Variants in ALMS1 observed in about 807,000 individuals in gnomAD.
The protein encoded by ALMS1 is ALMS1 centrosome and basal body associated protein, also known as centrosome-associated protein ALMS1.
A neutral mutation model predicts 352.2 loss-of-function variants in ALMS1; 271 were observed. That is an observed-to-expected ratio of 0.77 (90% CI 0.70 to 0.85). ALMS1 has a LOEUF of 0.85. Among genes scored for constraint, ALMS1 ranks in the 40% least tolerant of loss-of-function variants. The pLI is 0.00. For synonymous variants in ALMS1, 1,865 were observed against 1,761.2 expected (o/e 1.06, Z -1.48); for missense variants, 5,445 against 4,870.7 (o/e 1.12, Z -3.51).
chr2:73,425,843 T>C (rs963608179), intron 5 of ALMS1, among the ~76,000 whole-genome samples: 11 of 152,360 alleles, frequency 7.2e-5, no homozygotes, highest in Middle Eastern at 3.4e-3. Context: ...GATAGCTTCC[T>C]ATACTGGCAT....
chr2:73,594,967 C>T (rs902151091), intron 16 of ALMS1, among the ~76,000 whole-genome samples: 21 of 152,236 alleles, frequency 1.4e-4, no homozygotes, highest in Non-Finnish European at 2.6e-4. Flanking sequence ...ACCAACACAA[C>T]TTACCACCTT....
rs553661392 is a variant in ALMS1, at chr2:73,386,171, C to T, written c.303C>T (p.Gly101=). Residue 101 remains glycine (G), a synonymous_variant, in exon 1 of 23, where the codon GGC becomes GGT. Coordinates refer to ENST00000613296, the MANE Select transcript of ALMS1 (RefSeq NM_001378454.1). ...CCCCGCAGCACCGCTACTCGGAGGG[C>T]GAGCGGACCTCCCTGGAGAAGGTGA... The part of the protein sequence containing the change: ...LSPPQHRYSE[G]ERTSLEKIVP... 24 of 1,548,302 alleles carry T rather than the reference C, an allele frequency of 1.6e-5. No individual in the cohort carries two copies. Among genetic ancestry groups the T allele is most frequent in the Middle Eastern group, 1.7e-4 (1 of 5,952 alleles).
At chr2:73,554,072 G>A (rs927730590) in intron 13 of ALMS1, among the ~76,000 whole-genome samples, 1 of 152,034 alleles carries the variant, frequency 6.6e-6, no homozygotes, top group Non-Finnish European at 1.5e-5. Flanking sequence ...TGTAAGCCTC[G>A]TGAAACTATT....
At chr2:73,489,524 C>A in intron 9 of ALMS1, 110 bp from the exon 10 acceptor site, 2 of 1,247,496 alleles carry the variant, frequency 1.6e-6, no homozygotes, top group Non-Finnish European at 2.3e-6. Flanking sequence ...AATGACATGA[C>A]CTTCATGGTC....
intron 10 of ALMS1, among the ~76,000 whole-genome samples, chr2:73,503,873 C>G (rs1182034868): frequency 1.3e-5 from 2 of 152,080 alleles, no homozygotes; most frequent in African/African-American, 4.8e-5. Flanking sequence ...TCTTAGGCAC[C>G]TTAATACCCC....
Position 73,572,595 on chromosome 2 carries a change from A to G in ALMS1, c.10718A>G (p.His3573Arg), listed in dbSNP as rs1209015163. 1 of 1,613,984 alleles carries G rather than the reference A, an allele frequency of 6.2e-7. No homozygotes were observed. The highest frequency in any genetic ancestry group is 2.2e-5 in the East Asian group (1 of 44,860). Residue 3573 changes from histidine to arginine, a missense_variant, in exon 16 of 23, where the codon CAT becomes CGT. Physicochemically the swap from His to Arg is conservative, Grantham distance 29 (BLOSUM62 0). Coordinates refer to ENST00000613296, the MANE Select transcript of ALMS1 (RefSeq NM_001378454.1). Reference protein sequence around the residue: ...TKSQVRDYPKHNGQISDPQRD... With the variant: ...TKSQVRDYPKRNGQISDPQRD... ...AGTCAAGTTAGAGATTATCCAAAAC[A>G]TAATGGACAAATTAGTGATCCACAA...
intron 15 of ALMS1, among the ~76,000 whole-genome samples, chr2:73,570,864 C>T (rs528092678): frequency 1.3e-5 from 2 of 152,162 alleles, no homozygotes; most frequent in African/African-American, 2.4e-5. Flanking sequence ...CCAGAATGTT[C>T]TTCTTCCTGT....
At chr2:73,603,208 T>G in intron 20 of ALMS1, 33 bp from the exon 21 acceptor site, 1 of 1,609,332 alleles carries the variant, frequency 6.2e-7, no homozygotes. Flanking sequence ...GTTAAGTCAC[T>G]GTCCACTGAA....
Position 73,453,022 on chromosome 2 carries a change from T to C in ALMS1, c.6495T>C (p.Ala2165=), listed in dbSNP as rs189124891. 9 of 1,613,420 alleles carry C rather than the reference T, an allele frequency of 5.6e-6. No homozygotes were observed. The African/African-American group carries it at 1.1e-4, about 19-fold the overall frequency. Residue 2165 remains alanine, a synonymous_variant, in exon 8 of 23, where the codon GCT becomes GCC. Coordinates refer to ENST00000613296, the MANE Select transcript of ALMS1 (RefSeq NM_001378454.1). Reference sequence around the variant, plus strand: ...CAGATAGACATCTAACTGAAGATGCTCTAAAGATCTCAAGTGCTCTTGGGC... The same window carrying C: ...CAGATAGACATCTAACTGAAGATGCCCTAAAGATCTCAAGTGCTCTTGGGC... ...DLPDRHLTED[A]LKISSALGQA...
At chr2:73,401,382 G>A (rs1670869479) in intron 1 of ALMS1, among the ~76,000 whole-genome samples, 1 of 151,976 alleles carries the variant, frequency 6.6e-6, no homozygotes, top group East Asian at 1.9e-4. Context: ...TTCCCAGTAA[G>A]CACTACTTTT....
intron 9 of ALMS1, among the ~76,000 whole-genome samples, chr2:73,466,143 C>G (rs576193683): frequency 1.3e-5 from 2 of 152,160 alleles, no homozygotes; most frequent in South Asian, 4.2e-4. Context: ...GGTATATACC[C>G]AAAGGATTAT....
At chr2:73,471,088 C>G (rs892752248) in intron 9 of ALMS1, 6 of 151,764 alleles carry the variant, frequency 4.0e-5, no homozygotes, top group African/African-American at 9.7e-5. Context: ...ACTCCATTTA[C>G]ATTAAAGTAA....
chr2:73,385,835 C>A, upstream of ALMS1: 1 of 698,012 alleles, frequency 1.4e-6, no homozygotes. Flanking sequence ...CCCCCCTCCT[C>A]CTCCTCCTCT....
chr2:73,387,908 G>A (rs957654779), intron 1 of ALMS1, among the ~76,000 whole-genome samples: 6 of 152,184 alleles, frequency 3.9e-5, no homozygotes, highest in African/African-American at 1.4e-4. Context: ...AGATATTTAA[G>A]AGGCAAAATC....
rs1170522128 is a variant in ALMS1 at position 73,453,613 on chromosome 2, T to G, written c.7086T>G (p.Pro2362=). ...TTAGTTCAACTACAGTTAGAAGTCC[T>G]CTACAGGAAGCAGAGAGCAAAGTCA... The part of the protein sequence containing the change: ...EFISSTTVRS[P]LQEAESKVSM... The change falls in exon 8 of 23, where the codon CCT becomes CCG. Residue 2362 remains proline, a synonymous_variant. Coordinates refer to ENST00000613296, the MANE Select transcript of ALMS1 (RefSeq NM_001378454.1). 1 of 1,613,892 alleles carries G rather than the reference T, an allele frequency of 6.2e-7. No individual in the cohort carries two copies. The highest frequency in any genetic ancestry group is 8.5e-7 in the Non-Finnish European group (1 of 1,180,002).
intron 12 of ALMS1, among the ~76,000 whole-genome samples, chr2:73,540,557 CA>C (rs1363871260): frequency 1.3e-5 from 2 of 152,136 alleles, no homozygotes; most frequent in Non-Finnish European, 2.9e-5. Flanking sequence ...CTAAATGCCC[CA>C]ATTAAAAGAC....
intron 6 of ALMS1, among the ~76,000 whole-genome samples, chr2:73,428,623 A>C (rs1046635965): frequency 6.6e-6 from 1 of 152,244 alleles, no homozygotes; most frequent in African/African-American, 2.4e-5. Context: ...ACTAGCTTTG[A>C]CCACTGCTCC....
intron 16 of ALMS1, among the ~76,000 whole-genome samples, chr2:73,582,368 T>C (rs988794042): frequency 3.9e-5 from 6 of 152,232 alleles, no homozygotes; most frequent in African/African-American, 1.4e-4. Flanking sequence ...GTGAATTTCT[T>C]GTGCGTGGTA....
At chr2:73,607,525 G>A (rs184084062) in intron 21 of ALMS1, among the ~76,000 whole-genome samples, 46 of 151,838 alleles carry the variant, frequency 3.0e-4, no homozygotes, top group African/African-American at 1.1e-3. Context: ...ATTCCTTTAC[G>A]CTCCTTTTTG....
Sources: allele counts gnomAD v4.1 joint callset (sites outside exome capture counted in the v4.1 genomes callset), GRCh38; gene constraint gnomAD v4.1.1; transcripts MANE v1.5; gene names NCBI Gene and HGNC (gene_info 2026-07-23, HGNC 2026-07-21).